Variants in EIF4G3 observed in about 807,000 individuals in gnomAD.
EIF4G3 encodes eIF-4-gamma 3.
EIF4G3 carries 34 observed loss-of-function variants against 186.4 expected under a neutral mutation model. The observed-to-expected ratio is 0.18, with a 90% CI of 0.14 to 0.24. EIF4G3 has a LOEUF of 0.24. Among genes scored for constraint, EIF4G3 ranks in the 10% least tolerant of loss-of-function variants. The probability of loss-of-function intolerance (pLI) is 1.00; values close to 1 mark genes in which losing one functional copy is unlikely to be tolerated. For synonymous variants in EIF4G3, 673 were observed against 679.5 expected (o/e 0.99, Z 0.15); for missense variants, 1,536 against 1,948.5 (o/e 0.79, Z 3.99).
intron 16 of EIF4G3, among the ~76,000 whole-genome samples, chr1:20,898,571 AT>A (rs1280288252): frequency 6.6e-6 from 1 of 152,172 alleles, no homozygotes; most frequent in Non-Finnish European, 1.5e-5. Flanking sequence ...GTTGTGACCT[AT>A]TAATTTCACA....
intron 3 of EIF4G3, among the ~76,000 whole-genome samples, chr1:21,057,959 G>GT (rs1314783225): frequency 1.3e-5 from 2 of 152,054 alleles, no homozygotes; most frequent in Non-Finnish European, 2.9e-5. Flanking sequence ...ACTTGACAGA[G>GT]TTTTTTAAAA....
At position 20,810,695 on chromosome 1, in the gene EIF4G3, C is replaced by T; in HGVS notation, c.4744+43G>A. ...TCTCTAAGTCCTGGCTTGGATAAAT[C>T]TCACTCATTGGTTAGATTAACTGTA... On this transcript the variant is annotated intron_variant, in intron 36 of 36. Transcript: ENST00000602326. This position sits in a 1 kb window ranked among gnomAD's most constrained non-coding sequence, Gnocchi z 4.1. 1.3e-6 allele frequency: 2 copies of T among 1,599,024 alleles called. No individual in the cohort carries two copies. Among genetic ancestry groups the T allele is most frequent in the East Asian group, 2.2e-5 (1 of 44,498 alleles).
At chr1:21,151,479 C>T (rs536148924) in intron 2 of EIF4G3, among the ~76,000 whole-genome samples, 26 of 151,944 alleles carry the variant, frequency 1.7e-4, no homozygotes, top group South Asian at 1.7e-3. Context: ...ACCTCGTGAT[C>T]CGCCCGCCTT....
At chr1:20,868,090 C>CTTTTTTTTTTTTTTTTTTTTTT (rs66560662) in intron 20 of EIF4G3, among the ~76,000 whole-genome samples, 1 of 90,416 alleles carries the variant, frequency 1.1e-5, no homozygotes. Flanking sequence ...TGGTGATTTT[C>CTTTTTTTTTTTTTTTTTTTTTT]TTTTTTTTTT....
intron 4 of EIF4G3, among the ~76,000 whole-genome samples, chr1:21,013,855 G>A (rs1240947396): frequency 2.6e-5 from 4 of 152,266 alleles, no homozygotes; most frequent in South Asian, 2.1e-4. Flanking sequence ...TTAAGTGCTC[G>A]ACTTTGAACA....
intron 12 of EIF4G3, among the ~76,000 whole-genome samples, chr1:20,963,741 G>A (rs1334247922): frequency 6.6e-6 from 1 of 151,972 alleles, no homozygotes; most frequent in Non-Finnish European, 1.5e-5. Flanking sequence ...ATCACTTGAG[G>A]TCAGGTGTTC....
At chr1:21,055,312 G>A (rs941565232) in intron 3 of EIF4G3, among the ~76,000 whole-genome samples, 1 of 152,028 alleles carries the variant, frequency 6.6e-6, no homozygotes, top group African/African-American at 2.4e-5. Context: ...AATAAAAAGA[G>A]AGCAAAGAAG....
chr1:21,075,570 C>CAAAAAAAAAAAAAAAAAAAA lies in EIF4G3; in HGVS notation c.-196+13548_-196+13567dup, dbSNP rs55649192. ...GGCAACAGAGTGAGACTCCAACTCA[C>CAAAAAAAAAAAAAAAAAAAA]AAAAAAAAAAAAAAAAAAAAAAAAA... On this transcript the variant is annotated intron_variant, in intron 3 of 36. Coordinates refer to ENST00000602326, the MANE Select transcript of EIF4G3 (RefSeq NM_001391906.1). Among the ~76,000 whole-genome samples the CAAAAAAAAAAAAAAAAAAAA allele has an allele frequency of 6.4e-4, 33 of 51,568 alleles. 1 individual carries two copies. Among genetic ancestry groups the CAAAAAAAAAAAAAAAAAAAA allele is most frequent in the South Asian group, 8.4e-4 (1 of 1,184 alleles). The allele number at this position is 51,568 out of a possible 152,430, so 33.8% of individuals were successfully genotyped here. A position where few individuals can be genotyped will look rare whatever the true frequency, so the allele number is the denominator to read the frequency against.
At chr1:21,071,572 G>A (rs777396224) in intron 3 of EIF4G3, among the ~76,000 whole-genome samples, 26 of 152,254 alleles carry the variant, frequency 1.7e-4, no homozygotes, top group Non-Finnish European at 3.8e-4. Context: ...GGTGGCTCAC[G>A]CCTGTGATCC....
intron 30 of EIF4G3, among the ~76,000 whole-genome samples, chr1:20,837,247 C>T (rs1231390944): frequency 6.6e-6 from 1 of 151,968 alleles, no homozygotes; most frequent in Non-Finnish European, 1.5e-5. Flanking sequence ...GTCTCTGTTG[C>T]CAGGCTGGAG....
intron 25 of EIF4G3, among the ~76,000 whole-genome samples, chr1:20,856,580 C>A (rs1239578727): frequency 6.6e-6 from 1 of 152,140 alleles, no homozygotes; most frequent in Non-Finnish European, 1.5e-5. Flanking sequence ...CCTCTTACTG[C>A]CCACAGACTC....
chr1:20,826,981 G>A (rs1349349056), intron 32 of EIF4G3, among the ~76,000 whole-genome samples: 1 of 152,182 alleles, frequency 6.6e-6, no homozygotes, highest in African/African-American at 2.4e-5. Context: ...ATGGGATACA[G>A]AAGGACTTCT....
At chr1:20,992,004 A>T (rs767844625) in intron 7 of EIF4G3, among the ~76,000 whole-genome samples, 3 of 152,226 alleles carry the variant, frequency 2.0e-5, no homozygotes, top group Admixed American at 1.3e-4. Context: ...TATTTTACCC[A>T]TTTTGAAGAT....
chr1:20,867,964 G>A (rs947798394), intron 20 of EIF4G3, among the ~76,000 whole-genome samples: 1 of 152,112 alleles, frequency 6.6e-6, no homozygotes, highest in Non-Finnish European at 1.5e-5. Context: ...TAGCTATACA[G>A]CTCCTTGAAG....
At chr1:20,945,933 T>G (rs1041447648) in intron 13 of EIF4G3, among the ~76,000 whole-genome samples, 2 of 152,232 alleles carry the variant, frequency 1.3e-5, no homozygotes, top group Non-Finnish European at 2.9e-5. Context: ...ATCAGACACA[T>G]ACTTTTTCAT....
chr1:20,955,464 G>C (rs563646769), intron 12 of EIF4G3, among the ~76,000 whole-genome samples: 1 of 151,848 alleles, frequency 6.6e-6, no homozygotes, highest in Non-Finnish European at 1.5e-5. Flanking sequence ...TGAACTCCTG[G>C]GCTCAAGTAA....
At chr1:20,941,316 A>G in intron 14 of EIF4G3, 175 bp downstream of exon 14, 1 of 1,560,264 alleles carries the variant, frequency 6.4e-7, no homozygotes. Flanking sequence ...CAATGGAGTA[A>G]CTCTTTTGCA....
At position 20,862,213 on chromosome 1, in the gene EIF4G3, T is replaced by A; in HGVS notation, c.3111+15A>T. On this transcript the variant is annotated intron_variant, in intron 23 of 36. Transcript: ENST00000602326. ...CTGGACCAGCAGGCTTATTATTATT[T>A]TTTTTCCCACTCACCAGCCTTAGGT... is the stretch of plus-strand genomic sequence containing the variant. The A allele has an allele frequency of 1.3e-6, 2 of 1,490,782 alleles. No individual in the cohort carries two copies. The allele number at this position is 1,490,782 out of a possible 1,614,324, so 92.3% of individuals were successfully genotyped here.
chr1:20,844,803 G>C (rs2070173149), intron 29 of EIF4G3, among the ~76,000 whole-genome samples: 1 of 152,032 alleles, frequency 6.6e-6, no homozygotes, highest in Non-Finnish European at 1.5e-5. Context: ...CTGCACTCCA[G>C]CCTGGGCGAC....
Sources: gnomAD v4.1 joint callset for allele counts (sites outside exome capture counted in the v4.1 genomes callset) on GRCh38, gnomAD v4.1.1 for gene constraint, Gnocchi (gnomAD v3.1) non-coding constraint, MANE v1.5 for transcripts, NCBI Gene and HGNC (gene_info 2026-07-23, HGNC 2026-07-21) for gene names.